The following SYK variants were observed in gnomAD, a reference collection of about 807,000 sequenced individuals.
SYK encodes spleen associated tyrosine kinase.
Under a neutral mutation model 77.8 loss-of-function variants are expected in SYK, and 16 were observed. That is an observed-to-expected ratio of 0.21 (90% CI 0.14 to 0.31). The LOEUF is 0.31. Among genes scored for constraint, SYK ranks in the 10% least tolerant of loss-of-function variants. SYK has a pLI of 1.00. For missense variants in SYK, 529 were observed against 814.4 expected, an observed-to-expected ratio of 0.65 and a Z score of 4.26; for synonymous variants, 312 against 308.7, an observed-to-expected ratio of 1.01 and a Z score of -0.11.
chr9:90,881,215 G>A (rs1382249071), intron 11 of SYK, among the ~76,000 whole-genome samples: 1 of 151,812 alleles, frequency 6.6e-6, no homozygotes, highest in Non-Finnish European at 1.5e-5. Flanking sequence ...CCATTAAAAA[G>A]TAAACTAAAC....
intron 3 of SYK, among the ~76,000 whole-genome samples, chr9:90,846,223 G>A (rs1343237679): frequency 8.5e-5 from 13 of 152,188 alleles, no homozygotes; most frequent in Non-Finnish European, 1.6e-4. Flanking sequence ...AGAAGGTAAA[G>A]AACTGTCTTT....
At chr9:90,826,404 A>T (rs1022221008) in intron 1 of SYK, among the ~76,000 whole-genome samples, 2 of 152,270 alleles carry the variant, frequency 1.3e-5, no homozygotes, top group African/African-American at 4.8e-5. Flanking sequence ...CATCATGGCC[A>T]TTCTGGCCAG....
intron 3 of SYK, among the ~76,000 whole-genome samples, chr9:90,856,262 G>A (rs1827032482): frequency 6.6e-6 from 1 of 152,092 alleles, no homozygotes; most frequent in Non-Finnish European, 1.5e-5. Context: ...TAAGCCAATG[G>A]TTCTCATGTC....
In SYK at chr9:90,895,618, G is replaced by A. The variant is rs779559674; in HGVS notation, c.*18G>A. 1.3e-5 allele frequency: 21 copies of A among 1,611,714 alleles called. No individual in the cohort carries two copies. In the South Asian group the frequency reaches 1.3e-4, roughly 10 times the overall value. On this transcript the variant is annotated 3_prime_UTR_variant, in exon 14 of 14. Coordinates refer to ENST00000375754, the MANE Select transcript of SYK (RefSeq NM_003177.7). This position sits in a 1 kb window ranked among gnomAD's most constrained non-coding sequence, Gnocchi z 4.4. ...TGAACTAACCGCTCCCGCACCTGTC[G>A]GTGGCTGCCTTTGATCACAGGAGCA...
At chr9:90,869,807 T>G (rs1288125032) in intron 7 of SYK, among the ~76,000 whole-genome samples, 1 of 152,212 alleles carries the variant, frequency 6.6e-6, no homozygotes, top group Non-Finnish European at 1.5e-5. Flanking sequence ...AAACTTGTCT[T>G]TAGAAATTAG....
chr9:90,826,559 G>A (rs185930449), intron 1 of SYK, among the ~76,000 whole-genome samples: 5 of 152,148 alleles, frequency 3.3e-5, no homozygotes, highest in Admixed American at 1.3e-4. Flanking sequence ...CACTTCCCTC[G>A]CGAGGCTCCT....
intron 12 of SYK, 74 bp downstream of exon 12, chr9:90,887,963 A>G: frequency 1.4e-6 from 2 of 1,454,792 alleles, no homozygotes; most frequent in East Asian, 2.6e-5. Flanking sequence ...CTTTACAACA[A>G]CCTGAAAATC....
intron 1 of SYK, among the ~76,000 whole-genome samples, chr9:90,819,633 A>G (rs901925793): frequency 6.6e-6 from 1 of 151,758 alleles, no homozygotes; most frequent in African/African-American, 2.4e-5. Context: ...TGATTCAATT[A>G]CCCCCCTTCC....
chr9:90,854,959 TC>T (rs1826963484), intron 3 of SYK, among the ~76,000 whole-genome samples: 1 of 150,550 alleles, frequency 6.6e-6, no homozygotes, highest in Non-Finnish European at 1.5e-5. Flanking sequence ...TCCCATCCCC[TC>T]ACTTCTTCCC....
At chr9:90,812,789 GA>G (rs1825141187) in intron 1 of SYK, among the ~76,000 whole-genome samples, 1 of 125,096 alleles carries the variant, frequency 8.0e-6, no homozygotes. Context: ...GAGAGAGAGA[GA>G]TTGAGAGAGA....
chr9:90,854,371 A>G (rs995703337), intron 3 of SYK, among the ~76,000 whole-genome samples: 1 of 152,138 alleles, frequency 6.6e-6, no homozygotes, highest in African/African-American at 2.4e-5. Flanking sequence ...TCAGAGAGGA[A>G]GCCCAGGAGG....
Position 90,812,751 on chromosome 9 carries a change from G to GTGTA in SYK, c.-42+10861_-42+10862insATGT, listed in dbSNP as rs770617648. The stretch of plus-strand genomic sequence containing the variant: ...TCCTCCCCATTTGATATGTGTGTGT[G>GTGTA]TGTGTGTGTGTGTGTGTGTGTGTGT... On this transcript the variant is annotated intron_variant, in intron 1 of 13. Coordinates refer to ENST00000375754, the MANE Select transcript of SYK (RefSeq NM_003177.7). Among the ~76,000 whole-genome samples, 243 of 87,652 alleles carry GTGTA rather than the reference G, an allele frequency of 2.8e-3. 1 individual carries two copies. The highest frequency in any genetic ancestry group is 5.7e-3 in the Middle Eastern group (1 of 174). 57.5% of individuals were successfully genotyped at this position (87,652 alleles called of 152,430 possible). A position where few individuals can be genotyped will look rare whatever the true frequency, so the allele number is the denominator to read the frequency against.
intron 7 of SYK, among the ~76,000 whole-genome samples, chr9:90,867,628 C>A (rs1417031842): frequency 6.6e-6 from 1 of 152,080 alleles, no homozygotes; most frequent in Admixed American, 6.6e-5. Flanking sequence ...TTTTGTGAGG[C>A]GCGCTGCACA....
At chr9:90,810,099 T>C (rs934570970) in intron 1 of SYK, among the ~76,000 whole-genome samples, 1 of 152,134 alleles carries the variant, frequency 6.6e-6, no homozygotes, top group Non-Finnish European at 1.5e-5. Context: ...TGTGTCAGTG[T>C]CTGTTATGGA....
rs763568549 is a variant in SYK at position 90,874,673 on chromosome 9, C to T, written c.1005C>T (p.Gly335=). The change falls in exon 9 of 14, where the codon GGC becomes GGT. Residue 335 remains glycine, a splice_region_variant and synonymous_variant. Transcript: ENST00000375754. ...PELAPWAADK[G]PQREALPMDT... is the part of the protein sequence containing the mutation. ...GTATGTTTCTTGACTGCATTGCAGG[C>T]CCCCAGAGAGAAGCCCTACCCATGG... is the stretch of plus-strand genomic sequence containing the variant. The T allele has an allele frequency of 1.2e-6, 2 of 1,612,218 alleles. No homozygotes were observed. Among genetic ancestry groups the T allele is most frequent in the Non-Finnish European group, 1.7e-6 (2 of 1,178,962 alleles).
chr9:90,874,535 C>CA, intron 8 of SYK, 137 bp from the exon 9 acceptor site: 2 of 1,160,348 alleles, frequency 1.7e-6, no homozygotes, highest in Non-Finnish European at 2.5e-6. Flanking sequence ...ATGTCCCTGC[C>CA]ACTCTTCAGA....
intron 1 of SYK, among the ~76,000 whole-genome samples, chr9:90,837,502 G>A (rs999494030): frequency 3.9e-5 from 6 of 152,050 alleles, no homozygotes; most frequent in Admixed American, 6.5e-5. Flanking sequence ...AGGCAGGAGA[G>A]GCCTCAACCT....
chr9:90,888,817 T>G (rs1828680054), intron 13 of SYK, among the ~76,000 whole-genome samples, 190 bp downstream of exon 13: 4 of 152,172 alleles, frequency 2.6e-5, no homozygotes, highest in Admixed American at 2.6e-4. Flanking sequence ...TTACATGTAG[T>G]AGAGCCTAAA....
At chr9:90,888,856 G>A (rs571783749) in intron 13 of SYK, among the ~76,000 whole-genome samples, 13 of 152,166 alleles carry the variant, frequency 8.5e-5, no homozygotes, top group Middle Eastern at 3.2e-3. Context: ...ACTCTAACCC[G>A]AGTGTCCAAA....
Sources: gnomAD v4.1 joint callset for allele counts (sites outside exome capture counted in the v4.1 genomes callset) on GRCh38, gnomAD v4.1.1 for gene constraint, Gnocchi (gnomAD v3.1) non-coding constraint, MANE v1.5 for transcripts, NCBI Gene and HGNC (gene_info 2026-07-23, HGNC 2026-07-21) for gene names.